GSC2: variants seen among roughly 807,000 people sequenced by gnomAD.
GSC2 encodes homeobox protein goosecoid-2.
Under a neutral mutation model 11.3 loss-of-function variants are expected in GSC2, and 12 were observed. The observed-to-expected ratio is 1.06, with a 90% confidence interval of 0.68 to 1.72. GSC2 has a LOEUF of 1.72. GSC2 is among the 40% of genes most tolerant of loss of function. The pLI is 0.00. For missense variants in GSC2, 310 were observed against 235.7 expected (o/e 1.32, Z -2.06); for synonymous variants, 148 against 110.0 (o/e 1.35, Z -2.16).
At position 19,148,397 on chromosome 22, in the gene GSC2, A is replaced by G. The variant is rs1312551266; in HGVS notation, c.*594T>C. Among the ~76,000 whole-genome samples the G allele has an allele frequency of 6.6e-6, 1 of 152,132 alleles. No individual in the cohort carries two copies. Among genetic ancestry groups the G allele is most frequent in the Non-Finnish European group, 1.5e-5 (1 of 68,008 alleles). On this transcript the variant is annotated 3_prime_UTR_variant, in exon 3 of 3. Coordinates refer to ENST00000086933, the MANE Select transcript of GSC2 (RefSeq NM_005315.2). ...GGCTTCTGTGGTATTTGAAGTTGCT[A>G]GTTTCTCAGTATCAGCGCGAGGCTC...
At position 19,150,228 on chromosome 22, in the gene GSC2, G is replaced by T; in HGVS notation, c.56C>A (p.Pro19His). Residue 19 changes from proline to histidine, a missense_variant, in exon 1 of 3, where the codon CCC (proline) becomes CAC (histidine). Physicochemically the swap from Pro to His is moderately conservative, Grantham distance 77 (BLOSUM62 -2). Transcript: ENST00000086933. ...ASRRGAGRPCPFSIEHILSSL... is the reference protein window; with the variant it reads ...ASRRGAGRPCHFSIEHILSSL... ...GGAGAGGATGTGCTCGATGGAGAAG[G>T]GGCAGGGCCGCCCGGCACCCCGGCG... 3.2e-6 allele frequency: 1 copy of T among 314,230 alleles called. No homozygotes were observed. Among genetic ancestry groups the T allele is most frequent in the South Asian group, 6.1e-5 (1 of 16,422 alleles). The allele number at this position is 314,230 out of a possible 1,614,324, so 19.5% of individuals were successfully genotyped here.
chr22:19,148,736 G>C lies in GSC2; in HGVS notation c.*255C>G. 2.1e-6 allele frequency: 1 copy of C among 471,530 alleles called. No homozygotes were observed. Among genetic ancestry groups the C allele is most frequent in the Non-Finnish European group, 3.7e-6 (1 of 266,836 alleles). 29.2% of individuals were successfully genotyped at this position (471,530 alleles called of 1,614,324 possible). A position where few individuals can be genotyped will look rare whatever the true frequency, so the allele number is the denominator to read the frequency against. On this transcript the variant is annotated 3_prime_UTR_variant, in exon 3 of 3. Coordinates refer to ENST00000086933, the MANE Select transcript of GSC2 (RefSeq NM_005315.2). ...GAGTTAGTGTCTCTCGGGGGGTAGG[G>C]AGCTGAGGAAACTGCTCTATGCCCC...
chr22:19,149,819 G>T lies in GSC2; in HGVS notation c.357C>A (p.Gly119=), dbSNP rs1555918091. The part of the protein sequence containing the change: ...GGSGALPGAV[G]PGSQRRTRRH... ...GCCTCGTGCGCCGCTGCGAACCCGG[G>T]CCGACCGCGCCCGGGAGCGCCCCGG... Residue 119 remains glycine (G), a synonymous_variant, in exon 2 of 3, where the codon GGC becomes GGA. Coordinates refer to ENST00000086933, the MANE Select transcript of GSC2 (RefSeq NM_005315.2). The T allele has an allele frequency of 7.0e-6, 11 of 1,566,712 alleles. No homozygotes were observed. In the East Asian group the frequency reaches 2.5e-4, roughly 35 times the overall value.
rs1555917693 is a variant in GSC2, at chr22:19,148,207, T to C, written c.*784A>G. On this transcript the variant is annotated 3_prime_UTR_variant, in exon 3 of 3. Coordinates refer to ENST00000086933, the MANE Select transcript of GSC2 (RefSeq NM_005315.2). Reference sequence around the variant, plus strand: ...TCCAAGGCCACCATCCGTGGAGCAGTCCCCTCTGCTGGGGAGCACCCTGGT... The same window carrying C: ...TCCAAGGCCACCATCCGTGGAGCAGCCCCCTCTGCTGGGGAGCACCCTGGT... Among the ~76,000 whole-genome samples the C allele has an allele frequency of 1.3e-5, 2 of 152,024 alleles. No individual in the cohort carries two copies. Among genetic ancestry groups the C allele is most frequent in the Non-Finnish European group, 2.9e-5 (2 of 68,004 alleles).
In GSC2 at chr22:19,148,432, G is replaced by A. The variant is rs1406915098; in HGVS notation, c.*559C>T. On this transcript the variant is annotated 3_prime_UTR_variant, in exon 3 of 3. Coordinates refer to ENST00000086933, the MANE Select transcript of GSC2 (RefSeq NM_005315.2). ...TATCAGCGCGAGGCTCGAAGGTGAA[G>A]GGACTGTGGAGGGGCTCCTGGAATC... The A allele has an allele frequency of 1.3e-5, 2 of 152,368 alleles. No individual in the cohort carries two copies. The highest frequency in any genetic ancestry group is 3.8e-4 in the East Asian group (2 of 5,200). 9.4% of individuals were successfully genotyped at this position (152,368 alleles called of 1,614,324 possible).
chr22:19,147,675 T>C lies in GSC2; in HGVS notation c.*1316A>G, dbSNP rs1359990142. ...ATGCTAGGGGTGGAGGCGGGGATGC[T>C]AGGGACACCCAGCAGTGTCAGGGCA... On this transcript the variant is annotated 3_prime_UTR_variant, in exon 3 of 3. Transcript: ENST00000086933. Among the ~76,000 whole-genome samples, 1 of 152,022 alleles carries C rather than the reference T, an allele frequency of 6.6e-6. No homozygotes were observed. Among genetic ancestry groups the C allele is most frequent in the Non-Finnish European group, 1.5e-5 (1 of 67,928 alleles).
chr22:19,149,177 G>A (rs890241387), intron 2 of GSC2, 82 bp from the exon 3 acceptor site: 7 of 847,606 alleles, frequency 8.3e-6, no homozygotes, highest in South Asian at 1.9e-5. Context: ...GACCGAGAGG[G>A]GAGCTTCGCA....
At chr22:19,149,984 G>A in intron 1 of GSC2, 41 bp downstream of exon 1, 4 of 1,138,190 alleles carry the variant, frequency 3.5e-6, no homozygotes, top group Non-Finnish European at 4.3e-6. Context: ...GCCGCGCCCC[G>A]GGCTCCGCCG....
At chr22:19,149,139 T>A in intron 2 of GSC2, 44 bp from the exon 3 acceptor site, 5 of 1,173,092 alleles carry the variant, frequency 4.3e-6, no homozygotes, top group Non-Finnish European at 6.0e-6. Flanking sequence ...AGGTCCTGCG[T>A]CCCACCGGCT....
At position 19,149,829 on chromosome 22, in the gene GSC2, C is replaced by T. The variant is rs1387828293; in HGVS notation, c.347G>A (p.Gly116Asp). ...APAGGSGALP[G>D]AVGPGSQRRT... ...CCGCTGCGAACCCGGGCCGACCGCG[C>T]CCGGGAGCGCCCCGGAACCTCCGGC... Residue 116 changes from glycine to aspartate, a missense_variant, in exon 2 of 3, where the codon GGC (glycine) becomes GAC (aspartate). Coordinates refer to ENST00000086933, the MANE Select transcript of GSC2 (RefSeq NM_005315.2). 1 of 1,553,424 alleles carries T rather than the reference C, an allele frequency of 6.4e-7. No individual in the cohort carries two copies. The highest frequency in any genetic ancestry group is 1.2e-5 in the South Asian group (1 of 84,930).
rs1304884211 is a variant in GSC2 at position 19,147,807 on chromosome 22, G to C, written c.*1184C>G. ...TTCTGCAGTCCTGCTTTTAGAGATG[G>C]ACTTCATCTCTTGCAGGTAGAATGG... is the stretch of plus-strand genomic sequence containing the variant. On this transcript the variant is annotated 3_prime_UTR_variant, in exon 3 of 3. Coordinates refer to ENST00000086933, the MANE Select transcript of GSC2 (RefSeq NM_005315.2). Among the ~76,000 whole-genome samples the C allele has an allele frequency of 6.6e-6, 1 of 152,122 alleles. No individual in the cohort carries two copies. The highest frequency in any genetic ancestry group is 6.5e-5 in the Admixed American group (1 of 15,278).
chr22:19,149,916 C>T lies in GSC2; in HGVS notation c.260G>A (p.Gly87Asp). The T allele has an allele frequency of 7.5e-7, 1 of 1,335,724 alleles. No individual in the cohort carries two copies. The highest frequency in any genetic ancestry group is 9.5e-7 in the Non-Finnish European group (1 of 1,048,958). 82.7% of individuals were successfully genotyped at this position (1,335,724 alleles called of 1,614,324 possible). A position where few individuals can be genotyped will look rare whatever the true frequency, so the allele number is the denominator to read the frequency against. Residue 87 changes from glycine to aspartate, a missense_variant and splice_region_variant, in exon 2 of 3, where the codon GGC (glycine) becomes GAC (aspartate). Coordinates refer to ENST00000086933, the MANE Select transcript of GSC2 (RefSeq NM_005315.2). ...CGPPEAAAGL[G>D]ARLAWPLRLG... ...CCTCAGCGGCCACGCCAGACGAGCG[C>T]CTGCGGAGCGAGGGCGCGGTGAGGC...
rs2083806612 is a variant in GSC2, at chr22:19,148,698, C to T, written c.*293G>A. 2.6e-6 allele frequency: 1 copy of T among 389,874 alleles called. No individual in the cohort carries two copies. Among genetic ancestry groups the T allele is most frequent in the Non-Finnish European group, 4.6e-6 (1 of 216,802 alleles). The allele number at this position is 389,874 out of a possible 1,614,324, so 24.2% of individuals were successfully genotyped here. A position where few individuals can be genotyped will look rare whatever the true frequency, so the allele number is the denominator to read the frequency against. ...GTCCCGTGTTGATACGGGGTGGTTC[C>T]CCTCCTGCGGTGGAGTTAGTGTCTC... On this transcript the variant is annotated 3_prime_UTR_variant, in exon 3 of 3. Coordinates refer to ENST00000086933, the MANE Select transcript of GSC2 (RefSeq NM_005315.2).
chr22:19,149,815 C>G lies in GSC2; in HGVS notation c.361G>C (p.Gly121Arg). The G allele has an allele frequency of 6.4e-7, 1 of 1,568,922 alleles. No homozygotes were observed. Among genetic ancestry groups the G allele is most frequent in the Non-Finnish European group, 8.6e-7 (1 of 1,161,352 alleles). Reference sequence around the variant, plus strand: ...TGGCGCCTCGTGCGCCGCTGCGAACCCGGGCCGACCGCGCCCGGGAGCGCC... The same window carrying G: ...TGGCGCCTCGTGCGCCGCTGCGAACGCGGGCCGACCGCGCCCGGGAGCGCC... Reference protein sequence around the residue: ...SGALPGAVGPGSQRRTRRHRT... With the variant: ...SGALPGAVGPRSQRRTRRHRT... Residue 121 changes from glycine to arginine, a missense_variant, in exon 2 of 3, where the codon GGT (glycine) becomes CGT (arginine). Transcript: ENST00000086933.
Position 19,147,913 on chromosome 22 carries a change from C to A in GSC2, c.*1078G>T, listed in dbSNP as rs1449148460. Among the ~76,000 whole-genome samples, 1 of 152,108 alleles carries A rather than the reference C, an allele frequency of 6.6e-6. No individual in the cohort carries two copies. The highest frequency in any genetic ancestry group is 1.5e-5 in the Non-Finnish European group (1 of 68,016). On this transcript the variant is annotated 3_prime_UTR_variant, in exon 3 of 3. Coordinates refer to ENST00000086933, the MANE Select transcript of GSC2 (RefSeq NM_005315.2). ...GGGTGGGGATGTGAGATGCTTTGGA[C>A]CCACTGTAGGGCCTACTTGGGGAAT...
chr22:19,148,788 C>T lies in GSC2; in HGVS notation c.*203G>A, dbSNP rs1220445150. On this transcript the variant is annotated 3_prime_UTR_variant, in exon 3 of 3. Coordinates refer to ENST00000086933, the MANE Select transcript of GSC2 (RefSeq NM_005315.2). ...GCCCACCCCCAAGGGACTCGCCACT[C>T]CCACTGCCGTGGAACACCAAGCACC... 4 of 540,164 alleles carry T rather than the reference C, an allele frequency of 7.4e-6. No individual in the cohort carries two copies. The highest frequency in any genetic ancestry group is 7.0e-5 in the Admixed American group (2 of 28,664). The allele number at this position is 540,164 out of a possible 1,614,324, so 33.5% of individuals were successfully genotyped here. A position where few individuals can be genotyped will look rare whatever the true frequency, so the allele number is the denominator to read the frequency against.
At position 19,147,465 on chromosome 22, in the gene GSC2, T is replaced by G. The variant is rs1399421097; in HGVS notation, c.*1526A>C. On this transcript the variant is annotated 3_prime_UTR_variant, in exon 3 of 3. Transcript: ENST00000086933. ...CCCTGGAAGGTGGCGCTCCACAAGCTCTGATCGGGGCTCCCAAAACAATGA... is the reference window on the plus strand; with the variant it reads ...CCCTGGAAGGTGGCGCTCCACAAGCGCTGATCGGGGCTCCCAAAACAATGA... 1.3e-5 allele frequency among the ~76,000 whole-genome samples: 2 copies of G among 152,170 alleles called. No individual in the cohort carries two copies. Among genetic ancestry groups the G allele is most frequent in the Non-Finnish European group, 2.9e-5 (2 of 68,028 alleles).
intron 1 of GSC2, 30 bp from the exon 2 acceptor site, chr22:19,149,946 G>A: frequency 7.7e-7 from 1 of 1,291,674 alleles, no homozygotes; most frequent in Non-Finnish European, 9.8e-7. Flanking sequence ...TGAGGCGCGG[G>A]GCTGGGGCCA....
rs2146118845 is a variant in GSC2, at chr22:19,147,178, A to G, written c.*1813T>C. On this transcript the variant is annotated 3_prime_UTR_variant, in exon 3 of 3. Coordinates refer to ENST00000086933, the MANE Select transcript of GSC2 (RefSeq NM_005315.2). ...CACTGTGGACAAGGTGACCTTAAGGAGTCTGTGGGCTTCAAGGGGACAGCT... is the reference window on the plus strand; with the variant it reads ...CACTGTGGACAAGGTGACCTTAAGGGGTCTGTGGGCTTCAAGGGGACAGCT... Among the ~76,000 whole-genome samples the G allele has an allele frequency of 6.6e-6, 1 of 152,198 alleles. No individual in the cohort carries two copies. The highest frequency in any genetic ancestry group is 1.5e-5 in the Non-Finnish European group (1 of 67,998).
Sources: allele counts gnomAD v4.1 joint callset (sites outside exome capture counted in the v4.1 genomes callset), GRCh38; gene constraint gnomAD v4.1.1; transcripts MANE v1.5; gene names NCBI Gene and HGNC (gene_info 2026-07-23, HGNC 2026-07-21).